Variants in VEZT observed in about 807,000 individuals in gnomAD.
VEZT encodes the protein vezatin.
A neutral mutation model predicts 79.9 loss-of-function variants in VEZT; 39 were observed. The ratio of observed to expected loss-of-function variants is 0.49; its 90% confidence interval spans 0.38 to 0.64. VEZT has a LOEUF of 0.64. VEZT is among the 30% of genes least tolerant of loss of function. The probability of loss-of-function intolerance (pLI) is 0.00; values close to 1 mark genes in which losing one functional copy is unlikely to be tolerated. For missense variants in VEZT, 837 were observed against 893.1 expected, an observed-to-expected ratio of 0.94 and a Z score of 0.80; for synonymous variants, 325 against 327.6, an observed-to-expected ratio of 0.99 and a Z score of 0.09.
intron 8 of VEZT, among the ~76,000 whole-genome samples, chr12:95,284,646 A>G (rs758530564): frequency 1.3e-5 from 2 of 152,226 alleles, no homozygotes; most frequent in Non-Finnish European, 2.9e-5. Context: ...GCCAAACTGT[A>G]TAAATGCCTT....
chr12:95,287,676 T>C lies in VEZT; in HGVS notation c.1341T>C (p.Leu447=), dbSNP rs1270254244. The change falls in exon 9 of 12, where the codon CTT becomes CTC. Residue 447 remains leucine (L), a synonymous_variant. Coordinates refer to ENST00000436874, the MANE Select transcript of VEZT (RefSeq NM_017599.4). ...CTTTATGACTCAGGGTAATAATTCT[T>C]GAAGATGAACTTGAAAAGCTTGTTT... ...LKALLNEVII[L]EDELEKLVCT... 1.3e-6 allele frequency: 2 copies of C among 1,564,312 alleles called. No individual in the cohort carries two copies. Among genetic ancestry groups the C allele is most frequent in the South Asian group, 2.4e-5 (2 of 82,364 alleles).
chr12:95,260,095 T>A lies in VEZT; in HGVS notation c.259-2811T>A, dbSNP rs554451994. Among the ~76,000 whole-genome samples, 3 of 145,316 alleles carry A rather than the reference T, an allele frequency of 2.1e-5. No homozygotes were observed. The South Asian group carries it at 6.6e-4, about 32-fold the overall frequency. ...TAGATGATTGTAGGTTGTTGGTTGA[T>A]CACTTTTTTTTTTTTTTTTTTTTTT... On this transcript the variant is annotated intron_variant, in intron 3 of 11. Coordinates refer to ENST00000436874, the MANE Select transcript of VEZT (RefSeq NM_017599.4).
At position 95,235,859 on chromosome 12, in the gene VEZT, C is replaced by T. The variant is rs1289674883; in HGVS notation, c.37-16081C>T. The stretch of plus-strand genomic sequence containing the variant: ...GCAGAGACGCTCCTCACATCCCAGA[C>T]GGGGTGGCAGGGCAGAGGCGCTCCC... On this transcript the variant is annotated intron_variant, in intron 1 of 11. Transcript: ENST00000436874. 9.3e-4 allele frequency among the ~76,000 whole-genome samples: 139 copies of T among 150,036 alleles called. 1 individual carries two copies. The highest frequency in any genetic ancestry group is 1.8e-3 in the Non-Finnish European group (121 of 67,444).
chr12:95,265,309 C>T (rs1441235877), intron 4 of VEZT, among the ~76,000 whole-genome samples: 3 of 151,792 alleles, frequency 2.0e-5, no homozygotes, highest in African/African-American at 7.3e-5. Context: ...AAACCTTGTC[C>T]ATATCATGGT....
intron 9 of VEZT, among the ~76,000 whole-genome samples, chr12:95,292,150 A>C (rs2073015619): frequency 1.3e-5 from 2 of 152,306 alleles, no homozygotes; most frequent in South Asian, 4.1e-4. Flanking sequence ...AGCTCTCCAA[A>C]GATTGTTAAA....
chr12:95,287,733 G>A lies in VEZT; in HGVS notation c.1398G>A (p.Glu466=). 2 of 1,601,144 alleles carry A rather than the reference G, an allele frequency of 1.2e-6. No homozygotes were observed. The highest frequency in any genetic ancestry group is 1.1e-5 in the South Asian group (1 of 88,552). The change falls in exon 9 of 12, where the codon GAG becomes GAA. Residue 466 remains glutamate (E), a synonymous_variant. Transcript: ENST00000436874. ...AAGAAACACAAGAACTAGTGTCAGAGGCTTATCCCATCCTAGAACAGAAAT... is the reference window on the plus strand; with the variant it reads ...AAGAAACACAAGAACTAGTGTCAGAAGCTTATCCCATCCTAGAACAGAAAT... ...CTKETQELVS[E]AYPILEQKLK...
intron 2 of VEZT, chr12:95,256,666 C>A: frequency 1.9e-6 from 2 of 1,054,822 alleles, no homozygotes; most frequent in Non-Finnish European, 2.5e-6. Context: ...GCTTTTTTAT[C>A]AATATATGAC....
Position 95,240,021 on chromosome 12 carries a change from AAAGGAAGGAAGGAAGG to A in VEZT, c.37-11879_37-11864del, listed in dbSNP as rs372963849. Among the ~76,000 whole-genome samples, 567 of 81,456 alleles carry A rather than the reference AAAGGAAGGAAGGAAGG, an allele frequency of 7.0e-3. 4 individuals are homozygous for A. The highest frequency in any genetic ancestry group is 8.6e-3 in the Non-Finnish European group (350 of 40,800). The allele number at this position is 81,456 out of a possible 152,430, so 53.4% of individuals were successfully genotyped here. ...GAGACAGAGAGAGAAAGAGAGAAAG[AAAGGAAGGAAGGAAGG>A]AAGGAAGGAAGGAAGGAAGGAAGGA... On this transcript the variant is annotated intron_variant, in intron 1 of 11. Coordinates refer to ENST00000436874, the MANE Select transcript of VEZT (RefSeq NM_017599.4).
intron 2 of VEZT, 57 bp downstream of exon 2, chr12:95,252,128 T>C: frequency 6.5e-7 from 1 of 1,548,878 alleles, no homozygotes; most frequent in Non-Finnish European, 8.7e-7. Flanking sequence ...CCTTACTGGC[T>C]ATTCAGATAC....
At chr12:95,234,960 G>A (rs997058832) in intron 1 of VEZT, among the ~76,000 whole-genome samples, 1 of 152,028 alleles carries the variant, frequency 6.6e-6, no homozygotes, top group African/African-American at 2.4e-5. Context: ...GTTTCAGAGA[G>A]CACAGGGTTG....
intron 1 of VEZT, among the ~76,000 whole-genome samples, chr12:95,247,999 A>G (rs1220341336): frequency 1.3e-5 from 2 of 152,190 alleles, no homozygotes; most frequent in Non-Finnish European, 2.9e-5. Flanking sequence ...CTTCTATGAA[A>G]CTTTGACAAA....
intron 7 of VEZT, among the ~76,000 whole-genome samples, chr12:95,277,092 A>G (rs941047996): frequency 6.6e-6 from 1 of 152,076 alleles, no homozygotes; most frequent in Non-Finnish European, 1.5e-5. Flanking sequence ...CTGCTGCAGT[A>G]CTTTCCTCAG....
Position 95,287,720 on chromosome 12 carries a change from A to T in VEZT, c.1385A>T (p.Glu462Val), listed in dbSNP as rs1418015169. 3 of 1,597,270 alleles carry T rather than the reference A, an allele frequency of 1.9e-6. No homozygotes were observed. Among genetic ancestry groups the T allele is most frequent in the East Asian group, 4.5e-5 (2 of 44,512 alleles). ...EKLVCTKETQ[E>V]LVSEAYPILE... ...CTTGTTTGTACTAAAGAAACACAAG[A>T]ACTAGTGTCAGAGGCTTATCCCATC... The change falls in exon 9 of 12, where the codon GAA (glutamate) becomes GTA (valine). Residue 462 changes from glutamate to valine, a missense_variant. Glu to Val is a moderately radical substitution (Grantham distance 121, BLOSUM62 -2). Transcript: ENST00000436874.
At chr12:95,221,670 C>G (rs1404136499) in intron 1 of VEZT, among the ~76,000 whole-genome samples, 4 of 150,768 alleles carry the variant, frequency 2.7e-5, no homozygotes, top group African/African-American at 9.7e-5. Flanking sequence ...TTAACAAAAC[C>G]CTGCATATTA....
chr12:95,232,359 T>G (rs1188427728), intron 1 of VEZT, among the ~76,000 whole-genome samples: 1 of 152,146 alleles, frequency 6.6e-6, no homozygotes, highest in Non-Finnish European at 1.5e-5. Context: ...TAGAGAACAC[T>G]TTTTTTCCAG....
chr12:95,235,998 G>A (rs1291417123), intron 1 of VEZT, among the ~76,000 whole-genome samples: 5 of 151,986 alleles, frequency 3.3e-5, no homozygotes, highest in Admixed American at 6.6e-5. Context: ...GGGCAGAGAC[G>A]CTCCTCACTT....
intron 1 of VEZT, among the ~76,000 whole-genome samples, chr12:95,249,674 C>T (rs1462511239): frequency 6.6e-6 from 1 of 152,130 alleles, no homozygotes; most frequent in Non-Finnish European, 1.5e-5. Context: ...AGAATATATT[C>T]CCTAAATGTC....
intron 9 of VEZT, chr12:95,290,897 A>G (rs896743404): frequency 6.6e-6 from 1 of 152,144 alleles, no homozygotes; most frequent in Non-Finnish European, 1.5e-5. Context: ...ATCATTGAGA[A>G]TAGGTTATAA....
intron 9 of VEZT, among the ~76,000 whole-genome samples, chr12:95,288,418 T>TGACTCCGATTTTATGC (rs1226621551): frequency 1.3e-5 from 2 of 152,220 alleles, no homozygotes; most frequent in Non-Finnish European, 2.9e-5. Flanking sequence ...TGCTTTTATG[T>TGACTCCGATTTTATGC]GACTCCGATT....
Sources: gnomAD v4.1 joint callset for allele counts (sites outside exome capture counted in the v4.1 genomes callset) on GRCh38, gnomAD v4.1.1 for gene constraint, MANE v1.5 for transcripts, NCBI Gene and HGNC (gene_info 2026-07-23, HGNC 2026-07-21) for gene names.